ASTN2: variants seen among roughly 807,000 people sequenced by gnomAD.
The protein encoded by ASTN2 is astrotactin 2, also known as astrotactin-2.
In ASTN2, 54 loss-of-function variants were observed where a neutral mutation model predicts 139.8. That is an observed-to-expected ratio of 0.39 (90% CI 0.31 to 0.48). ASTN2 has a LOEUF of 0.48. Among genes scored for constraint, ASTN2 ranks in the 20% least tolerant of loss-of-function variants. The pLI, the probability that ASTN2 is intolerant of heterozygous loss-of-function variation, is 0.95. For missense variants in ASTN2, 1,565 were observed against 1,725.1 expected (o/e 0.91, Z 1.64); for synonymous variants, 756 against 719.5 (o/e 1.05, Z -0.81).
intron 10 of ASTN2, among the ~76,000 whole-genome samples, chr9:116,879,913 T>A (rs938229290): frequency 6.6e-6 from 1 of 152,144 alleles, no homozygotes; most frequent in African/African-American, 2.4e-5. Flanking sequence ...AACTTAGAGT[T>A]ATGTTTTTAT....
At chr9:116,762,688 A>T (rs1395797363) in intron 13 of ASTN2, among the ~76,000 whole-genome samples, 1 of 152,248 alleles carries the variant, frequency 6.6e-6, no homozygotes, top group Admixed American at 6.5e-5. Flanking sequence ...ATGAAGTTTT[A>T]TTGGAATGCA....
At chr9:116,547,424 G>A (rs1224469439) in intron 19 of ASTN2, 1 of 152,196 alleles carries the variant, frequency 6.6e-6, no homozygotes, top group East Asian at 1.9e-4. Context: ...GTAGTGGAGA[G>A]TCAAACTCAG....
chr9:116,861,711 T>C (rs1170414731), intron 11 of ASTN2, among the ~76,000 whole-genome samples: 2 of 152,216 alleles, frequency 1.3e-5, no homozygotes, highest in East Asian at 3.9e-4. Flanking sequence ...TTAATCCCCC[T>C]GACCAGCAAT....
At chr9:116,863,437 A>G (rs772719444) in intron 11 of ASTN2, 146 bp downstream of exon 11, 6 of 964,770 alleles carry the variant, frequency 6.2e-6, no homozygotes, top group Non-Finnish European at 8.9e-6. Context: ...AAACCAAGGT[A>G]GGCTGGCATA....
chr9:116,535,666 A>G (rs569052224), intron 19 of ASTN2, among the ~76,000 whole-genome samples: 1 of 152,274 alleles, frequency 6.6e-6, no homozygotes, highest in South Asian at 2.1e-4. Flanking sequence ...CTTTTATTTA[A>G]GAATGTTGAA....
intron 2 of ASTN2, among the ~76,000 whole-genome samples, chr9:117,285,409 T>C (rs1285240530): frequency 6.6e-6 from 1 of 151,674 alleles, no homozygotes; most frequent in Non-Finnish European, 1.5e-5. Context: ...ATGCTATGAA[T>C]GAAAAAACGT....
chr9:116,903,518 C>T (rs2132408229), intron 10 of ASTN2, among the ~76,000 whole-genome samples: 1 of 152,296 alleles, frequency 6.6e-6, no homozygotes, highest in African/African-American at 2.4e-5. Flanking sequence ...GGACTTTCTG[C>T]TGTAGAAAAC....
chr9:116,967,664 C>G (rs1928980), intron 10 of ASTN2, among the ~76,000 whole-genome samples: 1 of 152,008 alleles, frequency 6.6e-6, no homozygotes, highest in Middle Eastern at 3.2e-3. Context: ...GTCAGTTTTG[C>G]TCACCTCCAA....
chr9:117,153,331 C>G (rs1010508935), intron 3 of ASTN2, among the ~76,000 whole-genome samples: 1 of 152,106 alleles, frequency 6.6e-6, no homozygotes. Context: ...CCTAGCAAAT[C>G]TGTAAATGAT....
intron 1 of ASTN2, among the ~76,000 whole-genome samples, chr9:117,346,010 C>CAAAAAAAAAAAAAAAA (rs35773511): frequency 1.1e-5 from 1 of 92,332 alleles, no homozygotes; most frequent in Non-Finnish European, 2.3e-5. Context: ...AACTAAGAGG[C>CAAAAAAAAAAAAAAAA]AAAAAAAAAA....
chr9:116,801,489 G>C (rs906514516), intron 13 of ASTN2, among the ~76,000 whole-genome samples: 3 of 145,972 alleles, frequency 2.1e-5, no homozygotes, highest in African/African-American at 7.5e-5. Context: ...TGAGGCAGGA[G>C]AATCGCGTGA....
At chr9:116,478,991 C>CA (rs34860380) in intron 20 of ASTN2, among the ~76,000 whole-genome samples, 1,157 of 60,988 alleles carry the variant, frequency 0.019, 75 homozygotes, top group African/African-American at 0.054. Flanking sequence ...GACTGTGCCT[C>CA]AAAAAAAAAA....
intron 19 of ASTN2, among the ~76,000 whole-genome samples, chr9:116,581,329 C>T (rs1853942299): frequency 6.6e-6 from 1 of 152,128 alleles, no homozygotes; most frequent in Non-Finnish European, 1.5e-5. Flanking sequence ...CCACCATGAC[C>T]TGGAAACTTA....
At chr9:116,466,531 G>T (rs906513490) in intron 20 of ASTN2, among the ~76,000 whole-genome samples, 2 of 152,080 alleles carry the variant, frequency 1.3e-5, no homozygotes, top group Admixed American at 6.6e-5. Flanking sequence ...TCATAAATTT[G>T]GTTGCTGCCT....
chr9:117,021,163 C>G (rs549885278), intron 6 of ASTN2, among the ~76,000 whole-genome samples: 27 of 152,260 alleles, frequency 1.8e-4, no homozygotes, highest in African/African-American at 6.5e-4. Flanking sequence ...CTGTCTTGGC[C>G]TCCTAAAGTG....
chr9:117,039,546 T>C (rs1174805678), intron 6 of ASTN2, among the ~76,000 whole-genome samples: 2 of 151,742 alleles, frequency 1.3e-5, no homozygotes, highest in Non-Finnish European at 2.9e-5. Context: ...TGTATACCTG[T>C]GCAACAAACC....
intron 1 of ASTN2, among the ~76,000 whole-genome samples, chr9:117,316,970 T>C (rs1413083456): frequency 6.6e-6 from 1 of 152,124 alleles, no homozygotes; most frequent in Non-Finnish European, 1.5e-5. Flanking sequence ...TGGAGAGCCC[T>C]CTGGCTCTGT....
intron 5 of ASTN2, among the ~76,000 whole-genome samples, chr9:117,044,243 A>C (rs1337631193): frequency 6.6e-6 from 1 of 152,222 alleles, no homozygotes; most frequent in Non-Finnish European, 1.5e-5. Context: ...GAAGACAAAA[A>C]GAGTAAAAAG....
chr9:117,133,957 CCTATAA>C (rs1414629057), intron 4 of ASTN2, among the ~76,000 whole-genome samples: 2 of 151,892 alleles, frequency 1.3e-5, no homozygotes, highest in African/African-American at 4.8e-5. Context: ...CCTTGTAACC[CCTATAA>C]CTATCTCATG....
Sources: gnomAD v4.1 joint callset for allele counts (sites outside exome capture counted in the v4.1 genomes callset) on GRCh38, gnomAD v4.1.1 for gene constraint, MANE v1.5 for transcripts, NCBI Gene and HGNC (gene_info 2026-07-23, HGNC 2026-07-21) for gene names.